IL16: variants seen among roughly 807,000 people sequenced by gnomAD.
IL16 encodes pro-interleukin-16.
A neutral mutation model predicts 110.1 loss-of-function variants in IL16; 67 were observed. That is an observed-to-expected ratio of 0.61 (90% CI 0.50 to 0.75). The LOEUF (loss-of-function observed/expected upper bound fraction) is 0.75. Among genes scored for constraint, IL16 ranks in the 30% least tolerant of loss-of-function variants. The pLI is 0.00. For missense variants in IL16, 1,545 were observed against 1,655.0 expected, an observed-to-expected ratio of 0.93 and a Z score of 1.15; for synonymous variants, 689 against 662.9, an observed-to-expected ratio of 1.04 and a Z score of -0.61.
At position 81,279,759 on chromosome 15, in the gene IL16, G is replaced by T. The variant is rs201929052; in HGVS notation, c.1066G>T (p.Val356Phe). 2.5e-6 allele frequency: 4 copies of T among 1,614,108 alleles called. No individual in the cohort carries two copies. Among genetic ancestry groups the T allele is most frequent in the Non-Finnish European group, 3.4e-6 (4 of 1,180,032 alleles). The change falls in exon 8 of 19, where the codon GTT (valine) becomes TTT (phenylalanine). Residue 356 changes from valine (V) to phenylalanine (F), a missense_variant. Val to Phe is a conservative substitution (Grantham distance 50). Transcript: ENST00000683961. ...GCCCAATTACAGAATCATGGTGGAG[G>T]TTTCTCTGCAGAAAGGTAGGAGTGC... ...AKPNYRIMVE[V>F]SLQKEAGVGL...
At chr15:81,193,049 A>G (rs868007121), upstream of IL16, among the ~76,000 whole-genome samples, 8 of 152,336 alleles carry the variant, frequency 5.3e-5, no homozygotes, top group South Asian at 2.1e-4. Context: ...GCCAGCCTAT[A>G]GATGACAAAA....
At chr15:81,236,612 G>C (rs1264104134) in intron 2 of IL16, among the ~76,000 whole-genome samples, 1 of 152,140 alleles carries the variant, frequency 6.6e-6, no homozygotes, top group Admixed American at 6.5e-5. Context: ...AATTTCATTA[G>C]CTCTGGCAGA....
intron 14 of IL16, 48 bp from the exon 15 acceptor site, chr15:81,301,296 C>CTT (rs752400812): frequency 1.3e-6 from 2 of 1,524,372 alleles, no homozygotes; most frequent in Non-Finnish European, 1.8e-6. Context: ...ACTGTTACCT[C>CTT]TTTTTAATAT....
intron 2 of IL16, among the ~76,000 whole-genome samples, chr15:81,242,024 T>A (rs1208417952): frequency 2.0e-5 from 3 of 151,880 alleles, no homozygotes; most frequent in African/African-American, 7.3e-5. Flanking sequence ...CTATCTTCCA[T>A]TGAATTCCTG....
Position 81,197,066 on chromosome 15 carries a change from C to G in IL16, c.-188C>G, listed in dbSNP as rs773305433. On this transcript the variant is annotated 5_prime_UTR_variant, in exon 1 of 19. Transcript: ENST00000683961. Reference sequence around the variant, plus strand: ...ACAGGCTGTCCGGGAATAAGTGGTGCTGCAATCCCTGCTGGGCAGATGGAG... The same window carrying G: ...ACAGGCTGTCCGGGAATAAGTGGTGGTGCAATCCCTGCTGGGCAGATGGAG... 2 of 1,288,788 alleles carry G rather than the reference C, an allele frequency of 1.6e-6. No individual in the cohort carries two copies. The highest frequency in any genetic ancestry group is 2.5e-5 in the South Asian group (2 of 80,918). 79.8% of individuals were successfully genotyped at this position (1,288,788 alleles called of 1,614,324 possible). A position where few individuals can be genotyped will look rare whatever the true frequency, so the allele number is the denominator to read the frequency against.
chr15:81,207,274 A>G (rs1020289446), intron 1 of IL16, among the ~76,000 whole-genome samples: 1 of 151,874 alleles, frequency 6.6e-6, no homozygotes, highest in African/African-American at 2.4e-5. Context: ...AAAAAAAGAA[A>G]AGAAAAAAGA....
upstream of IL16, among the ~76,000 whole-genome samples, chr15:81,193,637 C>T (rs1895533390): frequency 6.6e-6 from 1 of 152,098 alleles, no homozygotes; most frequent in Admixed American, 6.5e-5. Context: ...AGTTAAAACC[C>T]TTGGTTTGAA....
intron 6 of IL16, 65 bp from the exon 7 acceptor site, chr15:81,278,752 A>G: frequency 9.5e-7 from 1 of 1,047,152 alleles, no homozygotes; most frequent in Non-Finnish European, 1.5e-6. Flanking sequence ...CTAGAGTTAA[A>G]GGTAATGATA....
intron 3 of IL16, among the ~76,000 whole-genome samples, chr15:81,260,215 C>T (rs995317511): frequency 1.3e-5 from 2 of 152,018 alleles, no homozygotes; most frequent in Non-Finnish European, 2.9e-5. Flanking sequence ...TGGAAGAGCT[C>T]ATGATTTTTA....
rs1899431134 is a variant in IL16, at chr15:81,285,928, G to A, written c.1332+98G>A. 6 of 1,310,724 alleles carry A rather than the reference G, an allele frequency of 4.6e-6. No individual in the cohort carries two copies. In the Admixed American group the frequency reaches 1.2e-4, roughly 26 times the overall value. 81.2% of individuals were successfully genotyped at this position (1,310,724 alleles called of 1,614,324 possible). On this transcript the variant is annotated intron_variant, in intron 10 of 18. Coordinates refer to ENST00000683961, the MANE Select transcript of IL16 (RefSeq NM_172217.5). Reference sequence around the variant, plus strand: ...TGAAAACAGAGATGTTGCTGGCTGGGTTTGTACCTGAATTCCCAAGAATCC... The same window carrying A: ...TGAAAACAGAGATGTTGCTGGCTGGATTTGTACCTGAATTCCCAAGAATCC...
rs565481327 is a variant in IL16, at chr15:81,303,385, T to A, written c.3319-164T>A. 49 of 594,148 alleles carry A rather than the reference T, an allele frequency of 8.2e-5. No individual in the cohort carries two copies. Among genetic ancestry groups the A allele is most frequent in the African/African-American group, 8.0e-4 (43 of 53,734 alleles). 36.8% of individuals were successfully genotyped at this position (594,148 alleles called of 1,614,324 possible). ...CTAAGCTTCCCATGACTCCTGAAGG[T>A]CCATTCTTTACAGATGAGGAAACTG... On this transcript the variant is annotated intron_variant, in intron 15 of 18. Coordinates refer to ENST00000683961, the MANE Select transcript of IL16 (RefSeq NM_172217.5). This position sits in a 1 kb window ranked among gnomAD's most constrained non-coding sequence, Gnocchi z 4.1.
chr15:81,210,070 A>C (rs1419014941), intron 1 of IL16, among the ~76,000 whole-genome samples: 1 of 152,196 alleles, frequency 6.6e-6, no homozygotes, highest in Non-Finnish European at 1.5e-5. Context: ...TTCTGGTTTC[A>C]TTCTTCAGCA....
Position 81,301,456 on chromosome 15 carries a change from G to A in IL16, c.3262G>A (p.Glu1088Lys). The part of the protein sequence containing the change: ...GQSVISLLSS[E>K]ELKKLIEEVK... ...GTCCGTTATCTCCCTGCTGAGCTCA[G>A]AAGAATTAAAAAAACTCATCGAGGA... The change falls in exon 15 of 19, where the codon GAA (glutamate) becomes AAA (lysine). Residue 1088 changes from glutamate (E) to lysine (K), a missense_variant. Physicochemically the swap from Glu to Lys is moderately conservative, Grantham distance 56 (BLOSUM62 1). Around this residue, in one of 3 missense-constraint regions of IL16, gnomAD observed 356 missense variants for 399.3 expected, o/e 0.89. Coordinates refer to ENST00000683961, the MANE Select transcript of IL16 (RefSeq NM_172217.5). The A allele has an allele frequency of 6.2e-7, 1 of 1,614,024 alleles. No homozygotes were observed. Among genetic ancestry groups the A allele is most frequent in the South Asian group, 1.1e-5 (1 of 91,068 alleles).
rs1898343504 is a variant in IL16 at position 81,265,661 on chromosome 15, G to A, written c.424G>A (p.Val142Ile). The change falls in exon 4 of 19, where the codon GTT becomes ATT. Residue 142 changes from valine (V) to isoleucine (I), a missense_variant and splice_region_variant. Physicochemically the swap from Val to Ile is conservative, Grantham distance 29 (BLOSUM62 3). Around this residue, in one of 3 missense-constraint regions of IL16, gnomAD observed 1,185 missense variants for 1,238.8 expected, o/e 0.96. Transcript: ENST00000683961. Reference protein sequence around the residue: ...HQRARSNSTSVNPYCTREIDF... With the variant: ...HQRARSNSTSINPYCTREIDF... ...CTGTTTTTCCTCTTCTGGTTTAGGT[G>A]TTAATCCCTATTGCACAAGAGAAAT... 1.2e-6 allele frequency: 2 copies of A among 1,613,902 alleles called. No individual in the cohort carries two copies. Among genetic ancestry groups the A allele is most frequent in the Admixed American group, 1.7e-5 (1 of 59,960 alleles).
rs747209603 is a variant in IL16 at position 81,292,886 on chromosome 15, C to T, written c.1751C>T (p.Ser584Phe). 1 of 1,614,194 alleles carries T rather than the reference C, an allele frequency of 6.2e-7. No homozygotes were observed. The highest frequency in any genetic ancestry group is 1.3e-5 in the African/African-American group (1 of 75,050). The change falls in exon 12 of 19, where the codon TCC becomes TTC. Residue 584 changes from serine to phenylalanine, a missense_variant. Physicochemically the swap from Ser to Phe is radical, Grantham distance 155. Transcript: ENST00000683961. The stretch of plus-strand genomic sequence containing the variant: ...CACCCGCCGCTGAGACTGAAGAAAT[C>T]CTTTGAGATTTTGGTGAGAAAGCCT... ...DSHPPLRLKK[S>F]FEILVRKPMS...
chr15:81,222,123 G>A (rs1431814050), intron 1 of IL16, among the ~76,000 whole-genome samples: 4 of 152,034 alleles, frequency 2.6e-5, no homozygotes, highest in African/African-American at 4.8e-5. Context: ...AGGGAATTGG[G>A]TTTGCATTCC....
chr15:81,207,256 A>C (rs1008011280), intron 1 of IL16, among the ~76,000 whole-genome samples: 30 of 151,742 alleles, frequency 2.0e-4, no homozygotes, highest in South Asian at 4.2e-4. Flanking sequence ...CAAAAAAAAA[A>C]AAAAACAAAA....
intron 2 of IL16, among the ~76,000 whole-genome samples, chr15:81,231,324 GTCTCTCTCTCTCTCTCTCTCTCTCTCTC>G (rs532872365): frequency 5.9e-3 from 279 of 47,148 alleles, no homozygotes; most frequent in Non-Finnish European, 9.9e-3. Context: ...AGGTCGGTCT[GTCTCTCTCTCTCTCTCTCTCTCTCTCTC>G]TCTCTCTCTC....
intron 9 of IL16, among the ~76,000 whole-genome samples, chr15:81,283,514 G>A (rs1423467787): frequency 1.3e-5 from 2 of 152,182 alleles, no homozygotes; most frequent in Non-Finnish European, 2.9e-5. Context: ...TGCTGAACGA[G>A]GACCTGCATT....
Sources: allele counts gnomAD v4.1 joint callset (sites outside exome capture counted in the v4.1 genomes callset), GRCh38; gene constraint gnomAD v4.1.1; regional missense constraint gnomAD v4.1.1; non-coding constraint Gnocchi (gnomAD v3.1); transcripts MANE v1.5; gene names NCBI Gene and HGNC (gene_info 2026-07-23, HGNC 2026-07-21).